The following TRPM3 variants were observed in gnomAD, a reference collection of about 807,000 sequenced individuals.
TRPM3 encodes the protein transient receptor potential cation channel subfamily M member 3.
Under a neutral mutation model 181.2 loss-of-function variants are expected in TRPM3, and 77 were observed. That is an observed-to-expected ratio of 0.42 (90% confidence interval 0.35 to 0.51). The LOEUF (loss-of-function observed/expected upper bound fraction) is 0.51. Ranked by LOEUF, TRPM3 falls within the 20% of genes least tolerant of loss-of-function variation. The pLI is 0.01. For missense variants in TRPM3, 1,759 were observed against 2,196.7 expected, an observed-to-expected ratio of 0.80 and a Z score of 3.98; for synonymous variants, 745 against 796.4, an observed-to-expected ratio of 0.94 and a Z score of 1.09.
chr9:71,282,038 G>A (rs1467064952), intron 1 of TRPM3, among the ~76,000 whole-genome samples: 1 of 148,254 alleles, frequency 6.7e-6, no homozygotes, highest in East Asian at 2.0e-4. Context: ...TCCAGCCTGG[G>A]CAACAAGGGC....
chr9:71,060,751 T>G (rs2133340714), intron 1 of TRPM3, among the ~76,000 whole-genome samples: 1 of 152,246 alleles, frequency 6.6e-6, no homozygotes, highest in South Asian at 2.1e-4. Context: ...GACAGTACTC[T>G]TTGAAAGCAT....
chr9:71,266,613 T>C (rs1056417174), intron 1 of TRPM3, among the ~76,000 whole-genome samples: 1 of 152,202 alleles, frequency 6.6e-6, no homozygotes, highest in Non-Finnish European at 1.5e-5. Flanking sequence ...TTTTATTTTA[T>C]TGTGGTAAGA....
intron 1 of TRPM3, among the ~76,000 whole-genome samples, chr9:71,294,355 A>G (rs1033336221): frequency 3.3e-5 from 5 of 152,058 alleles, no homozygotes; most frequent in Non-Finnish European, 7.4e-5. Context: ...ATGCCAAATA[A>G]ACATATGACA....
chr9:70,592,884 C>A (rs2058359339), intron 21 of TRPM3, among the ~76,000 whole-genome samples: 2 of 152,034 alleles, frequency 1.3e-5, no homozygotes, highest in Admixed American at 1.3e-4. Context: ...TGTGCACCAC[C>A]ATGCCCCGCT....
chr9:71,381,006 T>C (rs1425947719), intron 1 of TRPM3, among the ~76,000 whole-genome samples: 1 of 152,070 alleles, frequency 6.6e-6, no homozygotes, highest in Non-Finnish European at 1.5e-5. Context: ...GGATACTATA[T>C]ACACAAGTTA....
chr9:70,820,737 A>T (rs1163968282), intron 6 of TRPM3, among the ~76,000 whole-genome samples: 1 of 152,006 alleles, frequency 6.6e-6, no homozygotes, highest in Non-Finnish European at 1.5e-5. Flanking sequence ...GACTCCTTTA[A>T]TCACAACTCC....
chr9:71,172,280 G>T (rs1013169937), intron 1 of TRPM3, among the ~76,000 whole-genome samples: 3 of 152,162 alleles, frequency 2.0e-5, no homozygotes, highest in African/African-American at 7.2e-5. Flanking sequence ...ATAGAGGTTG[G>T]TTGGGAGAGG....
At chr9:71,437,229 A>G (rs2131641972) in intron 1 of TRPM3, among the ~76,000 whole-genome samples, 1 of 152,322 alleles carries the variant, frequency 6.6e-6, no homozygotes, top group Admixed American at 6.5e-5. Flanking sequence ...AAATTATTTC[A>G]GCTAATAAAT....
chr9:70,833,939 G>T (rs1410941565), intron 5 of TRPM3, among the ~76,000 whole-genome samples: 1 of 152,036 alleles, frequency 6.6e-6, no homozygotes, highest in East Asian at 1.9e-4. Context: ...GAAGTGGGAA[G>T]GAACCTCTGC....
At position 70,665,854 on chromosome 9, in the gene TRPM3, C is replaced by A. The variant is rs146526308; in HGVS notation, c.1345+15652G>T. 9.9e-4 allele frequency among the ~76,000 whole-genome samples: 150 copies of A among 152,256 alleles called. 2 individuals carry two copies. The highest frequency in any genetic ancestry group is 3.5e-3 in the African/African-American group (146 of 41,550). ...AATTATTGCAATTAATGATTTTCAA[C>A]CTTCTGTTCCCTTTTTCTTTTACTC... On this transcript the variant is annotated intron_variant, in intron 9 of 25. Coordinates refer to ENST00000677713, the MANE Select transcript of TRPM3 (RefSeq NM_001366145.2).
upstream of TRPM3, among the ~76,000 whole-genome samples, chr9:71,126,161 G>A (rs647165): frequency 0.62 from 93,624 of 151,974 alleles, 29,271 homozygotes; most frequent in African/African-American, 0.73. Context: ...GAAAAATGCA[G>A]ATCAAAACCA....
intron 1 of TRPM3, among the ~76,000 whole-genome samples, chr9:71,092,116 C>T (rs1304695786): frequency 2.0e-5 from 3 of 152,098 alleles, no homozygotes; most frequent in Non-Finnish European, 4.4e-5. Flanking sequence ...CTAGCCCAGC[C>T]TCTGACAGAG....
intron 1 of TRPM3, among the ~76,000 whole-genome samples, chr9:70,872,543 C>T (rs868393461): frequency 1.3e-5 from 2 of 151,860 alleles, no homozygotes; most frequent in East Asian, 1.9e-4. Context: ...AAAAGCACAC[C>T]GTGTCATTAT....
intron 8 of TRPM3, among the ~76,000 whole-genome samples, chr9:70,693,007 G>C (rs2069056139): frequency 2.6e-5 from 4 of 152,194 alleles, no homozygotes; most frequent in Admixed American, 2.0e-4. Context: ...AAGGTGACAT[G>C]TCAGGAGGAC....
At chr9:70,556,987 G>T (rs577865993) in intron 22 of TRPM3, among the ~76,000 whole-genome samples, 2 of 152,276 alleles carry the variant, frequency 1.3e-5, no homozygotes, top group South Asian at 4.1e-4. Context: ...GAGCTTCTCA[G>T]GAACTATGTT....
chr9:70,805,126 C>G (rs2090339552), intron 6 of TRPM3, among the ~76,000 whole-genome samples: 1 of 151,304 alleles, frequency 6.6e-6, no homozygotes, highest in Admixed American at 6.6e-5. Context: ...TCTTAACATT[C>G]CAAGTACTCT....
chr9:71,356,420 A>G (rs1460126403), intron 1 of TRPM3, among the ~76,000 whole-genome samples: 1 of 151,950 alleles, frequency 6.6e-6, no homozygotes, highest in Non-Finnish European at 1.5e-5. Context: ...GACCCACACA[A>G]CCCATACAGA....
chr9:70,827,176 A>G (rs952743026), intron 6 of TRPM3: 3 of 152,294 alleles, frequency 2.0e-5, no homozygotes, highest in African/African-American at 4.8e-5. Flanking sequence ...TTTCATGAAG[A>G]TAGTTTCACA....
intron 7 of TRPM3, among the ~76,000 whole-genome samples, chr9:70,777,921 A>C (rs1331816108): frequency 6.6e-6 from 1 of 152,130 alleles, no homozygotes; most frequent in Non-Finnish European, 1.5e-5. Flanking sequence ...GGATTAATAT[A>C]TATACTTATG....
Sources: allele counts gnomAD v4.1 joint callset (sites outside exome capture counted in the v4.1 genomes callset), GRCh38; gene constraint gnomAD v4.1.1; transcripts MANE v1.5; gene names NCBI Gene and HGNC (gene_info 2026-07-23, HGNC 2026-07-21).